The following AOAH variants were observed in gnomAD, a reference collection of about 807,000 sequenced individuals.
The protein encoded by AOAH is acyloxyacyl hydrolase (neutrophil).
A neutral mutation model predicts 92.2 loss-of-function variants in AOAH; 64 were observed. That is an observed-to-expected ratio of 0.69 (90% confidence interval 0.57 to 0.86). The LOEUF is 0.86. Among genes scored for constraint, AOAH ranks in the 40% least tolerant of loss-of-function variants. The pLI, the probability that AOAH is intolerant of heterozygous loss-of-function variation, is 0.00. For synonymous variants in AOAH, 263 were observed against 254.5 expected (o/e 1.03, Z -0.32); for missense variants, 656 against 694.6 (o/e 0.94, Z 0.62).
intron 1 of AOAH, among the ~76,000 whole-genome samples, chr7:36,692,835 G>A (rs568101672): frequency 1.2e-4 from 18 of 152,272 alleles, no homozygotes; most frequent in Non-Finnish European, 2.4e-4. Context: ...CCAGAAACCC[G>A]TAAGTATTGT....
intron 5 of AOAH, among the ~76,000 whole-genome samples, chr7:36,632,472 T>C (rs1793190860): frequency 6.6e-6 from 1 of 152,176 alleles, no homozygotes; most frequent in Non-Finnish European, 1.5e-5. Context: ...CATCTCATTA[T>C]GGAAATAAAA....
intron 1 of AOAH, among the ~76,000 whole-genome samples, chr7:36,714,666 G>T (rs1173448467): frequency 6.6e-6 from 1 of 152,174 alleles, no homozygotes; most frequent in Non-Finnish European, 1.5e-5. Context: ...TGCAAGGCTG[G>T]TTCAACATAT....
chr7:36,545,385 G>C (rs947011906), intron 15 of AOAH, among the ~76,000 whole-genome samples: 3 of 152,146 alleles, frequency 2.0e-5, no homozygotes, highest in African/African-American at 7.2e-5. Flanking sequence ...TGAGCAGCAG[G>C]AGCTCTTTCC....
At chr7:36,565,594 G>A (rs1012428736) in intron 13 of AOAH, among the ~76,000 whole-genome samples, 3 of 151,042 alleles carry the variant, frequency 2.0e-5, no homozygotes, top group East Asian at 1.9e-4. Flanking sequence ...GTGCAGTGGC[G>A]CAAACACGGC....
chr7:36,644,752 T>C (rs1007177387), intron 4 of AOAH, among the ~76,000 whole-genome samples: 5 of 152,356 alleles, frequency 3.3e-5, no homozygotes, highest in Non-Finnish European at 7.3e-5. Flanking sequence ...TTCTCTGTTA[T>C]CAATTATAGC....
intron 3 of AOAH, among the ~76,000 whole-genome samples, chr7:36,660,547 C>A (rs941061218): frequency 5.9e-5 from 9 of 152,100 alleles, no homozygotes; most frequent in Non-Finnish European, 1.2e-4. Flanking sequence ...GAACTCTTGA[C>A]CTCAGATGAT....
In AOAH at chr7:36,724,027, C is replaced by G. The variant is rs756680496; in HGVS notation, c.122G>C (p.Cys41Ser). 2.5e-6 allele frequency: 4 copies of G among 1,613,252 alleles called. No individual in the cohort carries two copies. The East Asian group carries it at 8.9e-5, about 36-fold the overall frequency. ...SRPSLSNGHT[C>S]VGCVLVVSVI... is the part of the protein sequence containing the mutation. Reference sequence around the variant, plus strand: ...AAAAATATTTATTTGCATACCTACACAGGTGTGCCCATTCGAGAGGCTGGG... The same window carrying G: ...AAAAATATTTATTTGCATACCTACAGAGGTGTGCCCATTCGAGAGGCTGGG... The change falls in exon 1 of 21, where the codon TGT (cysteine) becomes TCT (serine). Residue 41 changes from cysteine to serine, a missense_variant. Cys to Ser is a moderately radical substitution (Grantham distance 112, BLOSUM62 -1). Transcript: ENST00000617537.
chr7:36,604,290 G>A (rs537089090), intron 11 of AOAH, among the ~76,000 whole-genome samples: 38 of 152,260 alleles, frequency 2.5e-4, no homozygotes, highest in Non-Finnish European at 4.6e-4. Flanking sequence ...TTGGTGTTTG[G>A]TAAGCACATG....
At chr7:36,637,990 A>G in intron 4 of AOAH, 80 bp from the exon 5 acceptor site, 2 of 1,212,588 alleles carry the variant, frequency 1.6e-6, no homozygotes, top group South Asian at 2.6e-5. Context: ...TAGGATATTT[A>G]AAGTCCATAA....
At chr7:36,563,424 A>G (rs770132987) in intron 13 of AOAH, among the ~76,000 whole-genome samples, 35 of 152,104 alleles carry the variant, frequency 2.3e-4, no homozygotes, top group Non-Finnish European at 3.8e-4. Context: ...ATACCAGAGG[A>G]TAGCATAATG....
rs1799838448 is a variant in AOAH, at chr7:36,724,256, C to T, written c.-108G>A. 2 of 1,373,662 alleles carry T rather than the reference C, an allele frequency of 1.5e-6. No homozygotes were observed. Among genetic ancestry groups the T allele is most frequent in the Non-Finnish European group, 2.0e-6 (2 of 987,138 alleles). 85.1% of individuals were successfully genotyped at this position (1,373,662 alleles called of 1,614,324 possible). A position where few individuals can be genotyped will look rare whatever the true frequency, so the allele number is the denominator to read the frequency against. On this transcript the variant is annotated 5_prime_UTR_variant, in exon 1 of 21. The change abolishes the stop of an existing upstream ORF in the 5' untranslated region. Transcript: ENST00000617537. The stretch of plus-strand genomic sequence containing the variant: ...TTGATCTCTCTCTCCTTCTCTTCCT[C>T]ACTCTCTTTGACACACACACCCCAC...
intron 4 of AOAH, among the ~76,000 whole-genome samples, chr7:36,656,860 G>A (rs1311491201): frequency 7.2e-6 from 1 of 138,678 alleles, no homozygotes; most frequent in African/African-American, 2.7e-5. Context: ...GAAGGGGAGG[G>A]GTGGCACAAA....
intron 12 of AOAH, among the ~76,000 whole-genome samples, chr7:36,581,453 C>T (rs1242671868): frequency 6.6e-6 from 1 of 152,174 alleles, no homozygotes; most frequent in Non-Finnish European, 1.5e-5. Context: ...AAATGGATAC[C>T]TTATACACTG....
chr7:36,531,199 T>G (rs1267473328), intron 18 of AOAH, among the ~76,000 whole-genome samples: 3 of 152,220 alleles, frequency 2.0e-5, no homozygotes, highest in South Asian at 4.1e-4. Context: ...GAAGTGGTAA[T>G]GGGAAGACAT....
At chr7:36,618,564 C>A (rs1380546608) in intron 9 of AOAH, among the ~76,000 whole-genome samples, 1 of 152,196 alleles carries the variant, frequency 6.6e-6, no homozygotes, top group Non-Finnish European at 1.5e-5. Context: ...GACACTGAAC[C>A]ATTTCATTCA....
chr7:36,692,283 G>C (rs1444107030), intron 1 of AOAH, among the ~76,000 whole-genome samples: 1 of 152,104 alleles, frequency 6.6e-6, no homozygotes, highest in Non-Finnish European at 1.5e-5. Flanking sequence ...TCTTCTCCAC[G>C]AACTCTTTGA....
In AOAH at chr7:36,613,971, G is replaced by A. The variant is rs189985179; in HGVS notation, c.846+2409C>T. Among the ~76,000 whole-genome samples the A allele has an allele frequency of 4.6e-5, 7 of 152,328 alleles. No individual in the cohort carries two copies. The East Asian group carries it at 1.2e-3, about 25-fold the overall frequency. On this transcript the variant is annotated intron_variant, in intron 11 of 20. Transcript: ENST00000617537. ...ATGCTTGCCCAGTGTGGGGGCTTGG[G>A]AGAGGTTCAACCAGAGACTGTTTGA... is the stretch of plus-strand genomic sequence containing the variant.
At chr7:36,543,590 T>C (rs2116234700) in intron 15 of AOAH, among the ~76,000 whole-genome samples, 1 of 152,156 alleles carries the variant, frequency 6.6e-6, no homozygotes, top group Non-Finnish European at 1.5e-5. Context: ...AATTTTTTTT[T>C]TCGGTTAGAG....
At chr7:36,607,674 T>G (rs758165355) in intron 11 of AOAH, among the ~76,000 whole-genome samples, 1 of 152,240 alleles carries the variant, frequency 6.6e-6, no homozygotes, top group African/African-American at 2.4e-5. Flanking sequence ...CAATTTTAAG[T>G]AAAACTTCTT....
Sources: allele counts gnomAD v4.1 joint callset (sites outside exome capture counted in the v4.1 genomes callset), GRCh38; gene constraint gnomAD v4.1.1; transcripts MANE v1.5; gene names NCBI Gene and HGNC (gene_info 2026-07-23, HGNC 2026-07-21).